PDZRN3: variants seen among roughly 807,000 people sequenced by gnomAD.
PDZRN3 encodes the protein PDZ domain containing ring finger 3, also known as E3 ubiquitin-protein ligase PDZRN3.
In PDZRN3, 38 loss-of-function variants were observed where a neutral mutation model predicts 85.7. The observed-to-expected ratio is 0.44, with a 90% CI of 0.34 to 0.58. The LOEUF is 0.58. Ranked by LOEUF, PDZRN3 falls within the 20% of genes least tolerant of loss-of-function variation. The probability of loss-of-function intolerance (pLI) is 0.01; values close to 1 mark genes in which losing one functional copy is unlikely to be tolerated. For missense variants in PDZRN3, 1,629 were observed against 1,506.4 expected (o/e 1.08, Z -1.35); for synonymous variants, 759 against 638.0 (o/e 1.19, Z -2.86).
intron 1 of PDZRN3, among the ~76,000 whole-genome samples, chr3:73,618,561 A>G (rs1282247410): frequency 1.3e-5 from 2 of 152,154 alleles, no homozygotes; most frequent in Non-Finnish European, 2.9e-5. Flanking sequence ...CCTTAAGTGT[A>G]TGGCACCCAG....
At chr3:73,468,995 T>G (rs1164461893) in intron 3 of PDZRN3, among the ~76,000 whole-genome samples, 1 of 152,116 alleles carries the variant, frequency 6.6e-6, no homozygotes, top group Non-Finnish European at 1.5e-5. Context: ...CTCCTATTAT[T>G]ATTATGATTA....
Position 73,384,325 on chromosome 3 carries a change from C to T in PDZRN3, c.2241G>A (p.Pro747=), listed in dbSNP as rs768104363. The T allele has an allele frequency of 2.7e-5, 44 of 1,611,736 alleles. No homozygotes were observed. The Middle Eastern group carries it at 3.8e-3, about 139-fold the overall frequency. ...RHELSDITEL[P]EKSDKDSSSA... Reference sequence around the variant, plus strand: ...TCGAGCTGTCCTTGTCGGATTTCTCCGGGAGCTCGGTGATATCTGAGAGCT... The same window carrying T: ...TCGAGCTGTCCTTGTCGGATTTCTCTGGGAGCTCGGTGATATCTGAGAGCT... Residue 747 remains proline (P), a synonymous_variant, in exon 10 of 10, where the codon CCG becomes CCA. Transcript: ENST00000263666.
Position 73,383,577 on chromosome 3 carries a change from G to T in PDZRN3, c.2989C>A (p.Gln997Lys). ...TCCTTGAGACAATCCAACCTGCTCT[G>T]CATCATGAACTCGCGCCGCCGCCGC... is the stretch of plus-strand genomic sequence containing the variant. ...EQRRRREFMM[Q>K]SRLDCLKEQQ... Residue 997 changes from glutamine (Q) to lysine (K), a missense_variant, in exon 10 of 10, where the codon CAG (glutamine) becomes AAG (lysine). Physicochemically the swap from Gln to Lys is moderately conservative, Grantham distance 53 (BLOSUM62 1). Transcript: ENST00000263666. 1 of 1,614,034 alleles carries T rather than the reference G, an allele frequency of 6.2e-7. No homozygotes were observed. The highest frequency in any genetic ancestry group is 8.5e-7 in the Non-Finnish European group (1 of 1,180,012).
intron 3 of PDZRN3, among the ~76,000 whole-genome samples, chr3:73,534,360 A>G (rs1575716995): frequency 6.6e-6 from 1 of 152,354 alleles, no homozygotes; most frequent in African/African-American, 2.4e-5. Context: ...TTCCATGTTC[A>G]GTCAAGATTC....
rs376775075 is a variant in PDZRN3 at position 73,517,149 on chromosome 3, T to C, written c.918+85205A>G. On this transcript the variant is annotated intron_variant, in intron 3 of 9. Transcript: ENST00000263666. ...TCACAGGTGGCCACATGTGGAAGGA[T>C]AGAAAGGTGATACAGTGGAAAGATC... Among the ~76,000 whole-genome samples the C allele has an allele frequency of 4.6e-5, 7 of 152,156 alleles. No homozygotes were observed. The South Asian group carries it at 6.2e-4, about 14-fold the overall frequency.
In PDZRN3 at chr3:73,608,692, TAACAAA is replaced by T. The variant is rs1420300037; in HGVS notation, c.724-14_724-9del. ...ACTTTTGGTTTCTTCGCCCTGCAGG[TAACAAA>T]TGAGATCAAACTTTTATTTACCAAC... On this transcript the variant is annotated splice_polypyrimidine_tract_variant and intron_variant, in intron 1 of 9. Coordinates refer to ENST00000263666, the MANE Select transcript of PDZRN3 (RefSeq NM_015009.3). 6.3e-7 allele frequency: 1 copy of T among 1,582,060 alleles called. No homozygotes were observed. The highest frequency in any genetic ancestry group is 8.7e-7 in the Non-Finnish European group (1 of 1,155,332).
intron 5 of PDZRN3, among the ~76,000 whole-genome samples, chr3:73,395,418 C>T (rs1701615385): frequency 6.6e-6 from 1 of 152,188 alleles, no homozygotes; most frequent in African/African-American, 2.4e-5. Context: ...TATCTTGTTG[C>T]TTACTGGTCT....
At chr3:73,417,720 T>C (rs1176347720) in intron 3 of PDZRN3, among the ~76,000 whole-genome samples, 2 of 152,238 alleles carry the variant, frequency 1.3e-5, no homozygotes, top group Non-Finnish European at 2.9e-5. Flanking sequence ...TGTGCAATAA[T>C]GAATCTGGCT....
intron 3 of PDZRN3, among the ~76,000 whole-genome samples, chr3:73,418,600 T>C (rs1702138797): frequency 6.6e-6 from 1 of 152,226 alleles, no homozygotes; most frequent in Non-Finnish European, 1.5e-5. Flanking sequence ...ACAGCCTTTG[T>C]AGCTACAACT....
At chr3:73,438,236 T>G (rs1702567303) in intron 3 of PDZRN3, among the ~76,000 whole-genome samples, 2 of 152,180 alleles carry the variant, frequency 1.3e-5, no homozygotes, top group African/African-American at 4.8e-5. Flanking sequence ...ACAAAGGGCT[T>G]AAAGTGCCCA....
intron 1 of PDZRN3, among the ~76,000 whole-genome samples, chr3:73,619,874 G>A (rs1702826311): frequency 1.3e-5 from 2 of 152,206 alleles, no homozygotes. Context: ...TTGAAGAGGA[G>A]CAAGAAGATT....
rs191796442 is a variant in PDZRN3 at position 73,492,955 on chromosome 3, G to C, written c.919-88560C>G. Among the ~76,000 whole-genome samples, 44 of 146,696 alleles carry C rather than the reference G, an allele frequency of 3.0e-4. No individual in the cohort carries two copies. In the East Asian group the frequency reaches 8.6e-3, roughly 29 times the overall value. ...AAACAAAAATAAATGAGTACTCTTAGGGTTAGACTAGATGGAAGGCTTTTC... is the reference window on the plus strand; with the variant it reads ...AAACAAAAATAAATGAGTACTCTTACGGTTAGACTAGATGGAAGGCTTTTC... On this transcript the variant is annotated intron_variant, in intron 3 of 9. Transcript: ENST00000263666.
chr3:73,412,209 T>C (rs1384011453), intron 3 of PDZRN3, among the ~76,000 whole-genome samples: 2 of 152,244 alleles, frequency 1.3e-5, no homozygotes, highest in East Asian at 3.8e-4. Flanking sequence ...GTTAGGTTTT[T>C]GCAAGCGTCA....
At chr3:73,510,200 ACT>A (rs1704138430) in intron 3 of PDZRN3, among the ~76,000 whole-genome samples, 2 of 152,104 alleles carry the variant, frequency 1.3e-5, no homozygotes, top group East Asian at 1.9e-4. Flanking sequence ...CCTGTAGCTA[ACT>A]CTGTCCATTT....
chr3:73,583,238 G>A (rs1294370831), intron 3 of PDZRN3, among the ~76,000 whole-genome samples: 1 of 152,092 alleles, frequency 6.6e-6, no homozygotes, highest in Non-Finnish European at 1.5e-5. Flanking sequence ...CTAGCCCAAG[G>A]CTACGTAGCA....
intron 3 of PDZRN3, among the ~76,000 whole-genome samples, chr3:73,432,823 T>A (rs1421641268): frequency 6.6e-6 from 1 of 152,178 alleles, no homozygotes; most frequent in East Asian, 1.9e-4. Flanking sequence ...ATTTTTTTTT[T>A]ATTACTGCCA....
intron 1 of PDZRN3, among the ~76,000 whole-genome samples, chr3:73,610,299 T>C (rs1702663580): frequency 6.6e-6 from 1 of 152,200 alleles, no homozygotes; most frequent in Non-Finnish European, 1.5e-5. Flanking sequence ...ATCAAGTTAC[T>C]GTACCCAACA....
At chr3:73,521,933 G>A (rs1190466075) in intron 3 of PDZRN3, among the ~76,000 whole-genome samples, 3 of 152,176 alleles carry the variant, frequency 2.0e-5, no homozygotes, top group Non-Finnish European at 4.4e-5. Context: ...AGTGTAGTGA[G>A]CAGGGTTGAC....
intron 3 of PDZRN3, among the ~76,000 whole-genome samples, chr3:73,422,518 A>G (rs556356239): frequency 3.3e-5 from 5 of 152,334 alleles, no homozygotes; most frequent in Admixed American, 3.3e-4. Flanking sequence ...TCACTGAAAT[A>G]TTAATTTGGG....
Sources: gnomAD v4.1 joint callset for allele counts (sites outside exome capture counted in the v4.1 genomes callset) on GRCh38, gnomAD v4.1.1 for gene constraint, MANE v1.5 for transcripts, NCBI Gene and HGNC (gene_info 2026-07-23, HGNC 2026-07-21) for gene names.